The following ARHGEF18 variants were observed in gnomAD, a reference collection of about 807,000 sequenced individuals.
ARHGEF18 encodes Rho/Rac guanine nucleotide exchange factor 18.
In ARHGEF18, 93 loss-of-function variants were observed where a neutral mutation model predicts 155.7. The observed-to-expected ratio is 0.60, with a 90% CI of 0.50 to 0.71. The LOEUF (loss-of-function observed/expected upper bound fraction) is 0.71. ARHGEF18 is among the 30% of genes least tolerant of loss of function. ARHGEF18 has a pLI of 0.00. For synonymous variants in ARHGEF18, 742 were observed against 753.1 expected (o/e 0.99, Z 0.24); for missense variants, 1,593 against 1,816.1 (o/e 0.88, Z 2.23).
intron 2 of ARHGEF18, among the ~76,000 whole-genome samples, chr19:7,364,356 G>GAA: frequency 7.6e-6 from 1 of 131,736 alleles, no homozygotes; most frequent in African/African-American, 2.9e-5. Flanking sequence ...AGGAAGGAAG[G>GAA]AGGGAAGGAA....
intron 1 of ARHGEF18, among the ~76,000 whole-genome samples, chr19:7,354,468 GGGATTTGAAGCCA>G (rs1229544606): frequency 7.9e-5 from 12 of 152,230 alleles, no homozygotes; most frequent in African/African-American, 2.9e-4. Context: ...TGGAGGAGCT[GGGATTTGAAGCCA>G]GGATTTGAAG....
At chr19:7,375,424 A>AAAAGGAAGGAAGG (rs1555701433) in intron 3 of ARHGEF18, among the ~76,000 whole-genome samples, 23 of 150,902 alleles carry the variant, frequency 1.5e-4, no homozygotes, top group Middle Eastern at 3.4e-3. Context: ...AGGAAGGAAG[A>AAAAGGAAGGAAGG]AAGGAAGGAA....
chr19:7,386,234 CA>C (rs539106383), intron 10 of ARHGEF18, among the ~76,000 whole-genome samples: 7,614 of 108,200 alleles, frequency 0.07, 511 homozygotes, highest in African/African-American at 0.21. Flanking sequence ...TGCTATGTTG[CA>C]AAAAAAAAAA....
At chr19:7,446,956 T>G in intron 14 of ARHGEF18, 87 bp from the exon 15 acceptor site, 1 of 1,479,476 alleles carries the variant, frequency 6.8e-7, no homozygotes, top group Non-Finnish European at 9.1e-7. Flanking sequence ...ATCTAATATT[T>G]ATTTTAGCAG....
At position 7,440,087 on chromosome 19, in the gene ARHGEF18, AGCCC is replaced by A; in HGVS notation, c.968-256_968-253del. On this transcript the variant is annotated intron_variant, in intron 10 of 28. Coordinates refer to ENST00000668164, the MANE Select transcript of ARHGEF18 (RefSeq NM_001367823.1). This position sits in a 1 kb window ranked among gnomAD's most constrained non-coding sequence, Gnocchi z 5.4. The stretch of plus-strand genomic sequence containing the variant: ...AGCCTGGCGCCGCGCCGGGTCCCGG[AGCCC>A]CGGGCGCGAACATGGGGAATGCGCA... The A allele has an allele frequency of 6.5e-7, 1 of 1,550,060 alleles. No individual in the cohort carries two copies. Among genetic ancestry groups the A allele is most frequent in the South Asian group, 1.2e-5 (1 of 83,972 alleles).
intron 10 of ARHGEF18, among the ~76,000 whole-genome samples, chr19:7,423,192 C>T (rs1015059783): frequency 6.6e-5 from 10 of 152,192 alleles, no homozygotes; most frequent in South Asian, 6.2e-4. Context: ...CCCATTTGCA[C>T]GGTCCGGTCT....
At chr19:7,407,719 G>T (rs1424007970) in intron 10 of ARHGEF18, among the ~76,000 whole-genome samples, 5 of 151,926 alleles carry the variant, frequency 3.3e-5, no homozygotes, top group African/African-American at 1.2e-4. Flanking sequence ...TTAAGAGCTA[G>T]GTAGAGGCCG....
chr19:7,440,116 A>T lies in ARHGEF18; in HGVS notation c.968-228A>T. On this transcript the variant is annotated intron_variant, in intron 10 of 28. Transcript: ENST00000668164. The surrounding 1 kb of genome is among the most constrained non-coding windows in gnomAD (Gnocchi z 5.4). ...CCGGGCGCGAACATGGGGAATGCGC[A>T]CTCCAAAAGCGGGGACAGGCACAGC... The T allele has an allele frequency of 6.4e-7, 1 of 1,550,744 alleles. No homozygotes were observed. The highest frequency in any genetic ancestry group is 8.7e-7 in the Non-Finnish European group (1 of 1,146,732).
chr19:7,453,696 C>T lies in ARHGEF18; in HGVS notation c.2085C>T (p.Thr695=), dbSNP rs951463604. Residue 695 remains threonine, a synonymous_variant, in exon 17 of 29, where the codon ACC becomes ACT. Coordinates refer to ENST00000668164, the MANE Select transcript of ARHGEF18 (RefSeq NM_001367823.1). ...TGGAGGGCATGCTATGCTGGAAGAC[C>T]ACATCAGGGCGCTTGAAAGGTAAAG... is the stretch of plus-strand genomic sequence containing the variant. ...LHLEGMLCWK[T]TSGRLKDILA... is the part of the protein sequence containing the mutation. 6.4e-7 allele frequency: 1 copy of T among 1,571,232 alleles called. No homozygotes were observed. Among genetic ancestry groups the T allele is most frequent in the African/African-American group, 1.4e-5 (1 of 73,670 alleles).
chr19:7,351,416 C>A (rs938400092), intron 1 of ARHGEF18, among the ~76,000 whole-genome samples: 1 of 149,392 alleles, frequency 6.7e-6, no homozygotes, highest in Non-Finnish European at 1.5e-5. Context: ...CTCCACCTCC[C>A]GGGTTCACGC....
intron 10 of ARHGEF18, among the ~76,000 whole-genome samples, chr19:7,414,586 G>A (rs1183489407): frequency 2.0e-5 from 3 of 151,948 alleles, no homozygotes; most frequent in Admixed American, 6.6e-5. Context: ...TGAGGCAGGC[G>A]GATCACAAGG....
chr19:7,446,918 GA>G (rs2145807228), intron 14 of ARHGEF18, 124 bp from the exon 15 acceptor site: 1 of 1,018,060 alleles, frequency 9.8e-7, no homozygotes. Flanking sequence ...AAAAGAAGAA[GA>G]AAGAAAGAAA....
chr19:7,353,006 T>A (rs1268887021), intron 1 of ARHGEF18, among the ~76,000 whole-genome samples: 2 of 151,254 alleles, frequency 1.3e-5, no homozygotes. Flanking sequence ...CTGGCTAATT[T>A]TGTATTTTTA....
At chr19:7,358,121 C>A (rs1969387256) in intron 1 of ARHGEF18, among the ~76,000 whole-genome samples, 1 of 152,100 alleles carries the variant, frequency 6.6e-6, no homozygotes, top group African/African-American at 2.4e-5. Flanking sequence ...ATCTATCCAG[C>A]CAACCAGCCA....
intron 15 of ARHGEF18, among the ~76,000 whole-genome samples, chr19:7,450,815 A>T (rs1600490098): frequency 6.6e-6 from 1 of 152,158 alleles, no homozygotes; most frequent in East Asian, 1.9e-4. Flanking sequence ...CGAGATGTTA[A>T]TACGGGGTCT....
At chr19:7,400,968 A>G (rs1438380628) in intron 10 of ARHGEF18, among the ~76,000 whole-genome samples, 3 of 152,204 alleles carry the variant, frequency 2.0e-5, no homozygotes, top group Non-Finnish European at 4.4e-5. Flanking sequence ...GCATACAGGG[A>G]CATCCCAGTT....
At chr19:7,390,433 C>T (rs1249365884) in intron 10 of ARHGEF18, 1 of 149,564 alleles carries the variant, frequency 6.7e-6, no homozygotes. Flanking sequence ...CCCTTGAACC[C>T]AAGAGGTGGA....
Position 7,466,945 on chromosome 19 carries a change from C to A in ARHGEF18, c.2932C>A (p.Pro978Thr), listed in dbSNP as rs1976660050. 1 of 1,613,412 alleles carries A rather than the reference C, an allele frequency of 6.2e-7. No individual in the cohort carries two copies. The highest frequency in any genetic ancestry group is 1.3e-5 in the African/African-American group (1 of 74,928). ...VVEAPGTESD[P>T]RLPTVLESEL... is the part of the protein sequence containing the mutation. Reference sequence around the variant, plus strand: ...GGAGGCGCCAGGCACGGAATCCGATCCCCGTCTGCCCACCGTCCTGGAGTC... The same window carrying A: ...GGAGGCGCCAGGCACGGAATCCGATACCCGTCTGCCCACCGTCCTGGAGTC... Residue 978 changes from proline to threonine, a missense_variant, in exon 24 of 29, where the codon CCC (proline) becomes ACC (threonine). Physicochemically the swap from Pro to Thr is conservative, Grantham distance 38. Coordinates refer to ENST00000668164, the MANE Select transcript of ARHGEF18 (RefSeq NM_001367823.1).
chr19:7,394,336 C>A (rs1971556964), intron 10 of ARHGEF18, among the ~76,000 whole-genome samples: 1 of 152,010 alleles, frequency 6.6e-6, no homozygotes, highest in South Asian at 2.1e-4. Context: ...GAAGTGATCC[C>A]CCCACCACTC....
Sources: allele counts gnomAD v4.1 joint callset (sites outside exome capture counted in the v4.1 genomes callset), GRCh38; gene constraint gnomAD v4.1.1; non-coding constraint Gnocchi (gnomAD v3.1); transcripts MANE v1.5; gene names NCBI Gene and HGNC (gene_info 2026-07-23, HGNC 2026-07-21).